Variants in INPP4B observed in about 807,000 individuals in gnomAD.
INPP4B encodes the protein inositol polyphosphate-4-phosphatase type II B.
In INPP4B, 55 loss-of-function variants were observed where a neutral mutation model predicts 122.5. That is an observed-to-expected ratio of 0.45 (90% CI 0.36 to 0.56). INPP4B has a LOEUF of 0.56. Among genes scored for constraint, INPP4B ranks in the 20% least tolerant of loss-of-function variants. The pLI, the probability that INPP4B is intolerant of heterozygous loss-of-function variation, is 0.00. For synonymous variants in INPP4B, 403 were observed against 388.7 expected (o/e 1.04, Z -0.43); for missense variants, 1,000 against 1,097.7 (o/e 0.91, Z 1.26).
chr4:142,844,928 C>T (rs957775980), intron 1 of INPP4B, among the ~76,000 whole-genome samples: 1 of 152,194 alleles, frequency 6.6e-6, no homozygotes, highest in Non-Finnish European at 1.5e-5. Flanking sequence ...ACTTACAGAG[C>T]CACACCTTTA....
intron 1 of INPP4B, among the ~76,000 whole-genome samples, chr4:142,782,682 G>C (rs1775065284): frequency 6.6e-6 from 1 of 152,032 alleles, no homozygotes; most frequent in South Asian, 2.1e-4. Flanking sequence ...ATTCTAACTG[G>C]TGTGAGATGA....
rs202215117 is a variant in INPP4B at position 142,405,339 on chromosome 4, G to A, written c.137-15C>T. ...ATCCTTGCATGCTGGCAACGGCAGA[G>A]GAGACAGAAAGAAAAGAAACTAACA... On this transcript the variant is annotated splice_polypyrimidine_tract_variant and intron_variant, in intron 5 of 25. Coordinates refer to ENST00000262992, the MANE Select transcript of INPP4B (RefSeq NM_001101669.3). 11 of 1,482,508 alleles carry A rather than the reference G, an allele frequency of 7.4e-6. No homozygotes were observed. The highest frequency in any genetic ancestry group is 1.0e-5 in the Non-Finnish European group (11 of 1,061,236). 91.8% of individuals were successfully genotyped at this position (1,482,508 alleles called of 1,614,324 possible). A position where few individuals can be genotyped will look rare whatever the true frequency, so the allele number is the denominator to read the frequency against.
At chr4:142,166,984 C>A (rs534043887) in intron 16 of INPP4B, among the ~76,000 whole-genome samples, 17 of 151,760 alleles carry the variant, frequency 1.1e-4, no homozygotes, top group Admixed American at 4.6e-4. Context: ...AGTAGCGTGG[C>A]AATTACTCAA....
intron 11 of INPP4B, among the ~76,000 whole-genome samples, chr4:142,241,166 A>G (rs573517836): frequency 1.3e-5 from 2 of 152,120 alleles, no homozygotes; most frequent in Non-Finnish European, 2.9e-5. Flanking sequence ...GGCTTATCTC[A>G]ATAACTATGT....
intron 2 of INPP4B, among the ~76,000 whole-genome samples, chr4:142,472,496 T>C (rs1424932651): frequency 6.6e-6 from 1 of 152,208 alleles, no homozygotes; most frequent in Non-Finnish European, 1.5e-5. Flanking sequence ...AAGTTCCTCT[T>C]TAATACTGAA....
intron 1 of INPP4B, among the ~76,000 whole-genome samples, chr4:142,752,960 G>A (rs1398723815): frequency 1.3e-5 from 2 of 152,086 alleles, no homozygotes; most frequent in South Asian, 2.1e-4. Context: ...ATTGAGTGAC[G>A]ATCTATAGAT....
intron 21 of INPP4B, among the ~76,000 whole-genome samples, chr4:142,116,565 G>A (rs1793578826): frequency 6.6e-6 from 1 of 152,118 alleles, no homozygotes; most frequent in Admixed American, 6.6e-5. Context: ...AATGACTACT[G>A]GGTACATAAC....
chr4:142,479,018 G>T (rs1820160205), intron 2 of INPP4B, among the ~76,000 whole-genome samples: 2 of 152,070 alleles, frequency 1.3e-5, no homozygotes, highest in Admixed American at 6.6e-5. Context: ...ACTATCAACA[G>T]AGTAAACAGA....
intron 1 of INPP4B, among the ~76,000 whole-genome samples, chr4:142,825,471 GTATCATATCA>G (rs200616320): frequency 4.0e-5 from 6 of 151,592 alleles, no homozygotes; most frequent in Admixed American, 6.6e-5. Flanking sequence ...ATATATATAT[GTATCATATCA>G]TATCATATCA....
chr4:142,384,741 C>T (rs1156551173), intron 7 of INPP4B, among the ~76,000 whole-genome samples: 1 of 151,958 alleles, frequency 6.6e-6, no homozygotes, highest in Non-Finnish European at 1.5e-5. Flanking sequence ...TAGTTAAACT[C>T]GTGTCATGGG....
Position 142,028,026 on chromosome 4 carries a change from T to A in INPP4B, c.*756A>T, listed in dbSNP as rs1016915468. On this transcript the variant is annotated 3_prime_UTR_variant, in exon 26 of 26. Coordinates refer to ENST00000262992, the MANE Select transcript of INPP4B (RefSeq NM_001101669.3). ...ATCAAAATGTTGTTCATTTTTATTT[T>A]ATTTGTAATTTTAGATCATTGCAGT... 1.4e-5 allele frequency: 3 copies of A among 211,164 alleles called. No homozygotes were observed. Among genetic ancestry groups the A allele is most frequent in the Non-Finnish European group, 2.9e-5 (3 of 104,046 alleles). The allele number at this position is 211,164 out of a possible 1,614,324, so 13.1% of individuals were successfully genotyped here.
intron 15 of INPP4B, among the ~76,000 whole-genome samples, chr4:142,187,570 T>C (rs1833714439): frequency 6.6e-6 from 1 of 151,812 alleles, no homozygotes; most frequent in Non-Finnish European, 1.5e-5. Context: ...CATATATATA[T>C]ACACACATAC....
chr4:142,116,668 A>C (rs1793654442), intron 21 of INPP4B, among the ~76,000 whole-genome samples: 1 of 152,238 alleles, frequency 6.6e-6, no homozygotes, highest in Non-Finnish European at 1.5e-5. Context: ...AGCAGTGTGT[A>C]GAGGGAAATG....
In INPP4B at chr4:142,386,955, C is replaced by T. The variant is rs143336919; in HGVS notation, c.372+15983G>A. Among the ~76,000 whole-genome samples the T allele has an allele frequency of 5.1e-3, 776 of 152,148 alleles. 5 individuals are homozygous for T. Among genetic ancestry groups the T allele is most frequent in the African/African-American group, 0.018 (738 of 41,484 alleles). On this transcript the variant is annotated intron_variant, in intron 7 of 25. Transcript: ENST00000262992. ...TTGATCTCTCAGAGCAGCTGGGGAT[C>T]GTGGGTAAGTTCTCTCTCGGATTTC...
intron 23 of INPP4B, among the ~76,000 whole-genome samples, chr4:142,096,371 AAC>A (rs1249510617): frequency 6.6e-6 from 1 of 152,220 alleles, no homozygotes; most frequent in African/African-American, 2.4e-5. Flanking sequence ...ACCACCAAAT[AAC>A]ACAGACATTG....
chr4:142,165,985 C>A (rs1339380065), intron 16 of INPP4B, among the ~76,000 whole-genome samples: 3 of 151,638 alleles, frequency 2.0e-5, no homozygotes, highest in African/African-American at 7.3e-5. Context: ...TGCTGGGCAA[C>A]TTTGCATGTG....
intron 7 of INPP4B, among the ~76,000 whole-genome samples, chr4:142,393,001 G>C (rs1313980177): frequency 3.9e-5 from 6 of 152,012 alleles, no homozygotes; most frequent in Non-Finnish European, 8.8e-5. Context: ...TAATCTCCCT[G>C]GTGTGCTGTA....
At chr4:142,692,853 T>C (rs1760385510) in intron 2 of INPP4B, among the ~76,000 whole-genome samples, 1 of 151,900 alleles carries the variant, frequency 6.6e-6, no homozygotes, top group Non-Finnish European at 1.5e-5. Context: ...TTTGAGAGGA[T>C]TTTTTAAGAG....
chr4:142,310,094 C>T (rs72941132), intron 8 of INPP4B, among the ~76,000 whole-genome samples: 1 of 152,030 alleles, frequency 6.6e-6, no homozygotes, highest in African/African-American at 2.4e-5. Flanking sequence ...TCATTCATAT[C>T]CTTCTCACAA....
Sources: gnomAD v4.1 joint callset for allele counts (sites outside exome capture counted in the v4.1 genomes callset) on GRCh38, gnomAD v4.1.1 for gene constraint, MANE v1.5 for transcripts, NCBI Gene and HGNC (gene_info 2026-07-23, HGNC 2026-07-21) for gene names.